RPH3A: variants seen among roughly 807,000 people sequenced by gnomAD.
RPH3A encodes the protein rabphilin 3A.
In RPH3A, 48 loss-of-function variants were observed where a neutral mutation model predicts 102.2. The observed-to-expected ratio is 0.47, with a 90% CI of 0.37 to 0.60. The LOEUF (loss-of-function observed/expected upper bound fraction) is 0.60. Ranked by LOEUF, RPH3A falls within the 20% of genes least tolerant of loss-of-function variation. The pLI, the probability that RPH3A is intolerant of heterozygous loss-of-function variation, is 0.00. For synonymous variants in RPH3A, 310 were observed against 324.3 expected, an observed-to-expected ratio of 0.96 and a Z score of 0.47; for missense variants, 781 against 910.1, an observed-to-expected ratio of 0.86 and a Z score of 1.83.
chr12:112,866,718 A>T, intron 6 of RPH3A, 39 bp from the exon 7 acceptor site: 1 of 1,558,708 alleles, frequency 6.4e-7, no homozygotes, highest in Non-Finnish European at 8.8e-7. Flanking sequence ...TCCCATGAGC[A>T]TGGCTCATCT....
At chr12:112,758,155 G>A (rs2040833592) in intron 1 of RPH3A, among the ~76,000 whole-genome samples, 1 of 152,188 alleles carries the variant, frequency 6.6e-6, no homozygotes. Flanking sequence ...AGGGGAGCTG[G>A]AGGAGAGCTC....
upstream of RPH3A, among the ~76,000 whole-genome samples, chr12:112,789,907 AAATT>A: frequency 6.6e-6 from 1 of 151,830 alleles, no homozygotes; most frequent in Non-Finnish European, 1.5e-5. Flanking sequence ...AAAAAAAAAA[AAATT>A]AGCAGGGTAT....
chr12:112,749,859 G>A (rs1203496630), intron 1 of RPH3A, among the ~76,000 whole-genome samples: 1 of 152,148 alleles, frequency 6.6e-6, no homozygotes, highest in African/African-American at 2.4e-5. Context: ...GATTCACCAT[G>A]GGCTGAATTA....
chr12:112,755,306 C>T (rs1220391688), intron 1 of RPH3A, among the ~76,000 whole-genome samples: 87 of 67,818 alleles, frequency 1.3e-3, no homozygotes, highest in African/African-American at 4.9e-3. Context: ...TATACACACA[C>T]ACACACACAC....
intron 1 of RPH3A, among the ~76,000 whole-genome samples, chr12:112,635,376 AG>A (rs2039840556): frequency 1.3e-5 from 2 of 152,174 alleles, no homozygotes; most frequent in South Asian, 4.1e-4. Context: ...TGCCACTTAC[AG>A]GGTGTGTATT....
At chr12:112,823,059 T>A (rs907240219) in intron 2 of RPH3A, among the ~76,000 whole-genome samples, 2 of 152,212 alleles carry the variant, frequency 1.3e-5, no homozygotes, top group African/African-American at 4.8e-5. Flanking sequence ...GCCTTGGCCT[T>A]ACCCAAGCCA....
intron 1 of RPH3A, among the ~76,000 whole-genome samples, chr12:112,775,992 T>C (rs7132985): frequency 0.9 from 136,583 of 152,002 alleles, 61,390 homozygotes; most frequent in African/African-American, 0.95. Context: ...GAGGGAGAAA[T>C]GAAAGGAAAG....
intron 1 of RPH3A, among the ~76,000 whole-genome samples, chr12:112,676,068 T>C (rs975937688): frequency 2.6e-5 from 4 of 151,980 alleles, no homozygotes; most frequent in African/African-American, 9.7e-5. Flanking sequence ...GCAACTCCTG[T>C]GAGGAAATCT....
At position 112,768,228 on chromosome 12, in the gene RPH3A, G is replaced by T. The variant is rs139624701; in HGVS notation, c.-139-23915G>T. 3.3e-5 allele frequency among the ~76,000 whole-genome samples: 5 copies of T among 152,254 alleles called. No individual in the cohort carries two copies. In the East Asian group the frequency reaches 7.7e-4, roughly 23 times the overall value. The stretch of plus-strand genomic sequence containing the variant: ...CTTGGATTATTGCAGTGACCTCAAT[G>T]GTTCCCCCTCCTCTCCCCTTGCTCC... On this transcript the variant is annotated intron_variant, in intron 1 of 21. Transcript: ENST00000543106.
At chr12:112,830,822 C>A (rs2041959450) in intron 3 of RPH3A, among the ~76,000 whole-genome samples, 1 of 151,388 alleles carries the variant, frequency 6.6e-6, no homozygotes, top group African/African-American at 2.4e-5. Context: ...TATTTTTAAT[C>A]TTTTAGTCCT....
intron 2 of RPH3A, among the ~76,000 whole-genome samples, chr12:112,804,565 G>A (rs1286140809): frequency 1.3e-5 from 2 of 152,226 alleles, no homozygotes; most frequent in South Asian, 2.1e-4. Context: ...TGTGGCCCTC[G>A]TGACAGCTGG....
Position 112,673,814 on chromosome 12 carries a change from T to C in RPH3A, c.-140+98495T>C, listed in dbSNP as rs917404549. ...TTTTTTTGTACCCATTAACCATCCC[T>C]ACTTCCCTCCCCACACAGCCCCCCA... On this transcript the variant is annotated intron_variant, in intron 1 of 21. Transcript: ENST00000543106. Among the ~76,000 whole-genome samples the C allele has an allele frequency of 1.3e-5, 2 of 152,094 alleles. 1 individual carries two copies. The highest frequency in any genetic ancestry group is 4.1e-4 in the South Asian group (2 of 4,822).
intron 1 of RPH3A, among the ~76,000 whole-genome samples, chr12:112,707,835 G>A (rs888531334): frequency 4.6e-5 from 7 of 152,228 alleles, no homozygotes; most frequent in African/African-American, 1.7e-4. Context: ...TGTGCAGCAA[G>A]GCAACATGCC....
At chr12:112,752,897 A>G (rs1276781020) in intron 1 of RPH3A, among the ~76,000 whole-genome samples, 1 of 150,682 alleles carries the variant, frequency 6.6e-6, no homozygotes, top group Non-Finnish European at 1.5e-5. Context: ...ACAGGTTCCC[A>G]TCATTGAGAC....
In RPH3A at chr12:112,890,912, A is replaced by G; in HGVS notation, c.1684A>G (p.Thr562Ala). The G allele has an allele frequency of 1.2e-6, 2 of 1,614,048 alleles. No individual in the cohort carries two copies. Among genetic ancestry groups the G allele is most frequent in the Non-Finnish European group, 1.7e-6 (2 of 1,179,976 alleles). Residue 562 changes from threonine (T) to alanine (A), a missense_variant, in exon 19 of 22, where the codon ACA (threonine) becomes GCA (alanine). Coordinates refer to ENST00000389385, the MANE Select transcript of RPH3A (RefSeq NM_001143854.2). Reference sequence around the variant, plus strand: ...GATCCTGGTCTCCCTCATGTACAGCACACAGCAGGGAGGCCTCATTGTGGG... The same window carrying G: ...GATCCTGGTCTCCCTCATGTACAGCGCACAGCAGGGAGGCCTCATTGTGGG... ...GKILVSLMYS[T>A]QQGGLIVGII... is the part of the protein sequence containing the mutation.
chr12:112,771,751 A>G (rs1214701933), intron 1 of RPH3A, among the ~76,000 whole-genome samples: 1 of 152,246 alleles, frequency 6.6e-6, no homozygotes, highest in Admixed American at 6.5e-5. Flanking sequence ...AATCTTTAAA[A>G]TACACTCTCC....
At chr12:112,734,122 C>T (rs1430301122) in intron 1 of RPH3A, among the ~76,000 whole-genome samples, 1 of 152,100 alleles carries the variant, frequency 6.6e-6, no homozygotes, top group Non-Finnish European at 1.5e-5. Context: ...ATGTTTTGGT[C>T]AAAGATGGAC....
chr12:112,739,198 T>C (rs963298902), intron 1 of RPH3A, among the ~76,000 whole-genome samples: 1 of 152,216 alleles, frequency 6.6e-6, no homozygotes, highest in African/African-American at 2.4e-5. Context: ...AGTGAAGTGA[T>C]AGTTCTGTGA....
At chr12:112,576,923 T>TTTTTTTTGG (rs2039364308) in intron 1 of RPH3A, among the ~76,000 whole-genome samples, 1 of 148,644 alleles carries the variant, frequency 6.7e-6, no homozygotes, top group Non-Finnish European at 1.5e-5. Context: ...TTTTTTTTTT[T>TTTTTTTTGG]GAGATAGAGT....
Sources: allele counts gnomAD v4.1 joint callset (sites outside exome capture counted in the v4.1 genomes callset), GRCh38; gene constraint gnomAD v4.1.1; transcripts MANE v1.5; gene names NCBI Gene and HGNC (gene_info 2026-07-23, HGNC 2026-07-21).